The following SRGAP3 variants were observed in gnomAD, a reference collection of about 807,000 sequenced individuals.
The protein encoded by SRGAP3 is SLIT-ROBO Rho GTPase activating protein 3, also known as SLIT-ROBO Rho GTPase-activating protein 3.
SRGAP3 carries 39 observed loss-of-function variants against 121.1 expected under a neutral mutation model. That is an observed-to-expected ratio of 0.32 (90% confidence interval 0.25 to 0.42). SRGAP3 has a LOEUF of 0.42. Ranked by LOEUF, SRGAP3 falls within the 10% of genes least tolerant of loss-of-function variation. SRGAP3 has a pLI of 1.00. For synonymous variants in SRGAP3, 601 were observed against 570.0 expected, an observed-to-expected ratio of 1.05 and a Z score of -0.77; for missense variants, 1,213 against 1,470.6, an observed-to-expected ratio of 0.82 and a Z score of 2.86.
At chr3:9,062,742 G>C (rs1268805470) in intron 5 of SRGAP3, among the ~76,000 whole-genome samples, 1 of 152,148 alleles carries the variant, frequency 6.6e-6, no homozygotes, top group Non-Finnish European at 1.5e-5. Flanking sequence ...TCCATCACAT[G>C]GATATACCAC....
rs538827444 is a variant in SRGAP3 at position 9,211,570 on chromosome 3, G to A, written c.67+37315C>T. Among the ~76,000 whole-genome samples the A allele has an allele frequency of 3.9e-5, 6 of 151,964 alleles. No homozygotes were observed. The East Asian group carries it at 1.2e-3, about 29-fold the overall frequency. ...TCTGATAAAATAATCTGATTACTCA[G>A]TTAAGCTGAAAAATAGGCCAAGGAC... is the stretch of plus-strand genomic sequence containing the variant. On this transcript the variant is annotated intron_variant, in intron 1 of 21. Coordinates refer to ENST00000383836, the MANE Select transcript of SRGAP3 (RefSeq NM_014850.4).
chr3:9,231,865 C>A (rs1463085125), intron 1 of SRGAP3, among the ~76,000 whole-genome samples: 1 of 152,200 alleles, frequency 6.6e-6, no homozygotes, highest in Non-Finnish European at 1.5e-5. Context: ...CCTCATTTCA[C>A]AGATGAGGAA....
intron 1 of SRGAP3, among the ~76,000 whole-genome samples, chr3:9,189,201 C>T (rs557409026): frequency 3.3e-5 from 5 of 152,188 alleles, no homozygotes; most frequent in Non-Finnish European, 7.3e-5. Flanking sequence ...CCTTTCTGCT[C>T]CTTGGCTAAA....
At position 9,113,258 on chromosome 3, in the gene SRGAP3, AG is replaced by A. The variant is rs985056089; in HGVS notation, c.261-8417del. On this transcript the variant is annotated intron_variant, in intron 2 of 21. Transcript: ENST00000383836. ...GGAAGTCCGAGATCAAGGTGTCGGCAGGGTTGGTTCCTTCCAAGGACTGTGA... is the reference window on the plus strand; with the variant it reads ...GGAAGTCCGAGATCAAGGTGTCGGCAGGTTGGTTCCTTCCAAGGACTGTGA... Among the ~76,000 whole-genome samples, 6 of 152,270 alleles carry A rather than the reference AG, an allele frequency of 3.9e-5. No homozygotes were observed. In the East Asian group the frequency reaches 1.2e-3, roughly 29 times the overall value.
In SRGAP3 at chr3:9,053,016, A is replaced by T. The variant is rs745871701; in HGVS notation, c.1323+11T>A. Reference sequence around the variant, plus strand: ...CCGACAGTGTGGTTCTGGGCCCAGGATGCCACTTACTGTAAAATAAAACAT... The same window carrying T: ...CCGACAGTGTGGTTCTGGGCCCAGGTTGCCACTTACTGTAAAATAAAACAT... On this transcript the variant is annotated intron_variant, in intron 9 of 21. Transcript: ENST00000383836. 6.2e-7 allele frequency: 1 copy of T among 1,613,304 alleles called. No individual in the cohort carries two copies. The highest frequency in any genetic ancestry group is 1.1e-5 in the South Asian group (1 of 91,048).
chr3:9,206,380 G>A (rs1952266508), intron 1 of SRGAP3, among the ~76,000 whole-genome samples: 1 of 152,130 alleles, frequency 6.6e-6, no homozygotes, highest in African/African-American at 2.4e-5. Flanking sequence ...CAGGGAGTCT[G>A]ATTCCCGAGC....
chr3:9,000,075 G>A (rs1280511962), intron 18 of SRGAP3, among the ~76,000 whole-genome samples: 3 of 152,198 alleles, frequency 2.0e-5, no homozygotes, highest in Middle Eastern at 3.2e-3. Flanking sequence ...CCAGATGACT[G>A]CAGTCAAGCA....
chr3:9,222,246 A>G (rs1255068200), intron 1 of SRGAP3, among the ~76,000 whole-genome samples: 1 of 152,256 alleles, frequency 6.6e-6, no homozygotes, highest in Non-Finnish European at 1.5e-5. Context: ...TGTACCTGTC[A>G]TGTAGTTGAA....
chr3:9,181,072 C>T (rs1575198486), intron 1 of SRGAP3, among the ~76,000 whole-genome samples: 1 of 152,226 alleles, frequency 6.6e-6, no homozygotes, highest in East Asian at 1.9e-4. Flanking sequence ...TGTGAAGCCT[C>T]AAGCAAAATC....
At position 9,053,077 on chromosome 3, in the gene SRGAP3, T is replaced by C. The variant is rs764251320; in HGVS notation, c.1273A>G (p.Ile425Val). 1 of 1,614,182 alleles carries C rather than the reference T, an allele frequency of 6.2e-7. No individual in the cohort carries two copies. The highest frequency in any genetic ancestry group is 8.5e-7 in the Non-Finnish European group (1 of 1,180,024). Residue 425 changes from isoleucine (I) to valine (V), a missense_variant, in exon 9 of 22, where the codon ATT becomes GTT. Ile to Val is a conservative substitution (Grantham distance 29). This residue lies in a region of SRGAP3 where 793 missense variants were observed against 1,032.9 expected (regional missense o/e 0.77). Coordinates refer to ENST00000383836, the MANE Select transcript of SRGAP3 (RefSeq NM_014850.4). ...TGCTGGTTGGCTCTCCTCTTGGCAATGTTGATCTTGCTCATGTAGGTCTCA... is the reference window on the plus strand; with the variant it reads ...TGCTGGTTGGCTCTCCTCTTGGCAACGTTGATCTTGCTCATGTAGGTCTCA... ...ASETYMSKIN[I>V]AKRRANQQET...
At chr3:9,160,412 C>G (rs1950567826) in intron 1 of SRGAP3, among the ~76,000 whole-genome samples, 1 of 152,190 alleles carries the variant, frequency 6.6e-6, no homozygotes, top group African/African-American at 2.4e-5. Flanking sequence ...AACCTGGAAG[C>G]CAGCTGCCAT....
intron 2 of SRGAP3, among the ~76,000 whole-genome samples, chr3:9,124,124 C>A (rs1949128561): frequency 6.6e-6 from 1 of 152,156 alleles, no homozygotes; most frequent in South Asian, 2.1e-4. Context: ...AATGCCCAAG[C>A]AGATGGAGCC....
chr3:9,047,563 A>G (rs1442214141), intron 9 of SRGAP3, 88 bp from the exon 10 acceptor site: 6 of 1,326,812 alleles, frequency 4.5e-6, no homozygotes, highest in Non-Finnish European at 6.4e-6. Flanking sequence ...GGGACACGGA[A>G]GCCGAACAGA....
intron 3 of SRGAP3, among the ~76,000 whole-genome samples, chr3:9,103,917 C>T (rs961909989): frequency 1.3e-5 from 2 of 152,186 alleles, no homozygotes; most frequent in African/African-American, 2.4e-5. Flanking sequence ...GGTACACTGT[C>T]AAAAGCATTA....
rs777596083 is a variant in SRGAP3, at chr3:9,288,727, C to G, written n.442+37283G>C. On this transcript the variant is annotated intron_variant and non_coding_transcript_variant, in intron 3 of 3. Transcript: ENST00000490889. ...GTAGTTGGGACTATAGTGCATGTCA[C>G]CACACCCAGCTAATTTTTTAAATTT... Among the ~76,000 whole-genome samples the G allele has an allele frequency of 7.4e-4, 112 of 150,980 alleles. 1 individual carries two copies. Among genetic ancestry groups the G allele is most frequent in the Non-Finnish European group, 1.6e-4 (11 of 67,754 alleles).
At chr3:9,011,275 G>A (rs1943360347) in intron 17 of SRGAP3, among the ~76,000 whole-genome samples, 1 of 152,184 alleles carries the variant, frequency 6.6e-6, no homozygotes, top group African/African-American at 2.4e-5. Flanking sequence ...GAGCAGAGGG[G>A]ACCTATAAAG....
chr3:9,014,557 G>A (rs1251746148), intron 15 of SRGAP3, among the ~76,000 whole-genome samples: 4 of 152,186 alleles, frequency 2.6e-5, no homozygotes, highest in Admixed American at 2.0e-4. Flanking sequence ...ACAGGAACAG[G>A]ATTTTTGGGG....
At chr3:9,272,574 G>A (rs1198898940) in intron 3 of SRGAP3, among the ~76,000 whole-genome samples, 2 of 151,998 alleles carry the variant, frequency 1.3e-5, no homozygotes, top group Non-Finnish European at 2.9e-5. Context: ...TGGTAGCATG[G>A]GTCAGAGTTT....
intron 3 of SRGAP3, among the ~76,000 whole-genome samples, chr3:9,305,320 G>A (rs1482002860): frequency 6.7e-6 from 1 of 149,984 alleles, no homozygotes; most frequent in Non-Finnish European, 1.5e-5. Context: ...CGGTGTAACA[G>A]GGAGGGGCTG....
Sources: gnomAD v4.1 joint callset for allele counts (sites outside exome capture counted in the v4.1 genomes callset) on GRCh38, gnomAD v4.1.1 for gene constraint, gnomAD v4.1.1 regional missense constraint, MANE v1.5 for transcripts, NCBI Gene and HGNC (gene_info 2026-07-23, HGNC 2026-07-21) for gene names.